The following FAT4 variants were observed in gnomAD, a reference collection of about 807,000 sequenced individuals.
FAT4 encodes the protein protocadherin Fat 4.
In FAT4, 84 loss-of-function variants were observed where a neutral mutation model predicts 303.9. The ratio of observed to expected loss-of-function variants is 0.28; its 90% CI spans 0.23 to 0.33. The LOEUF (loss-of-function observed/expected upper bound fraction) is 0.33. Among genes scored for constraint, FAT4 ranks in the 10% least tolerant of loss-of-function variants. FAT4 has a pLI of 1.00. For synonymous variants in FAT4, 2,307 were observed against 2,298.8 expected (o/e 1.00, Z -0.10); for missense variants, 6,005 against 6,146.8 (o/e 0.98, Z 0.77).
chr4:125,426,790 C>T (rs1321459194), intron 7 of FAT4, among the ~76,000 whole-genome samples: 1 of 151,646 alleles, frequency 6.6e-6, no homozygotes, highest in African/African-American at 2.4e-5. Context: ...TCTGAGTATA[C>T]AAAGTAAATT....
intron 12 of FAT4, among the ~76,000 whole-genome samples, chr4:125,474,049 A>G (rs929403445): frequency 3.9e-5 from 6 of 152,060 alleles, no homozygotes; most frequent in African/African-American, 9.7e-5. Flanking sequence ...TTATGGTGGT[A>G]AAGCTATAAA....
intron 3 of FAT4, among the ~76,000 whole-genome samples, chr4:125,406,287 A>C (rs1174403905): frequency 6.6e-6 from 1 of 152,114 alleles, no homozygotes; most frequent in Non-Finnish European, 1.5e-5. Context: ...TGGCACCCTT[A>C]TGGAATATCA....
At chr4:125,459,362 G>T (rs1229819902) in intron 10 of FAT4, among the ~76,000 whole-genome samples, 1 of 152,016 alleles carries the variant, frequency 6.6e-6, no homozygotes, top group African/African-American at 2.4e-5. Flanking sequence ...TTCAGTTTAT[G>T]TTCAACACGT....
At position 125,491,458 on chromosome 4, in the gene FAT4, A is replaced by G. The variant is rs1482074916; in HGVS notation, c.14642A>G (p.Asp4881Gly). 1 of 1,614,180 alleles carries G rather than the reference A, an allele frequency of 6.2e-7. No homozygotes were observed. Among genetic ancestry groups the G allele is most frequent in the East Asian group, 2.2e-5 (1 of 44,880 alleles). ...KLSQVNESDA[D>G]DEDNYGARLK... ...TCTCAAGTCAATGAATCTGATGCAG[A>G]TGATGAAGATAATTATGGAGCCAGA... Residue 4881 changes from aspartate to glycine, a missense_variant, in exon 18 of 18, where the codon GAT (aspartate) becomes GGT (glycine). By Grantham distance (94) the Asp-to-Gly change is moderately conservative. Transcript: ENST00000394329.
At chr4:125,321,650 A>T (rs1212456964) in intron 2 of FAT4, 64 bp downstream of exon 2, 1 of 1,440,598 alleles carries the variant, frequency 6.9e-7, no homozygotes, top group Non-Finnish European at 9.3e-7. Context: ...TTCTCTTTAT[A>T]TTTACTCTCT....
chr4:125,481,483 G>T, intron 15 of FAT4, 38 bp from the exon 16 acceptor site: 1 of 1,569,210 alleles, frequency 6.4e-7, no homozygotes, highest in South Asian at 1.1e-5. Flanking sequence ...AATGCCAAAT[G>T]AATGCATTCA....
intron 2 of FAT4, among the ~76,000 whole-genome samples, chr4:125,331,982 A>G (rs1731403511): frequency 6.6e-6 from 1 of 152,108 alleles, no homozygotes; most frequent in Non-Finnish European, 1.5e-5. Flanking sequence ...TATTTTCCTC[A>G]TTTGTAAAAT....
intron 2 of FAT4, among the ~76,000 whole-genome samples, chr4:125,376,872 T>C (rs2710579): frequency 0.048 from 7,298 of 151,854 alleles, 562 homozygotes; most frequent in African/African-American, 0.16. Flanking sequence ...GCAACAAGAG[T>C]GAAACTCTAT....
In FAT4 at chr4:125,490,681, A is replaced by G. The variant is rs750340733; in HGVS notation, c.13865A>G (p.Tyr4622Cys). The G allele has an allele frequency of 1.9e-6, 3 of 1,614,140 alleles. No homozygotes were observed. The highest frequency in any genetic ancestry group is 2.5e-6 in the Non-Finnish European group (3 of 1,180,030). Residue 4622 changes from tyrosine (Y) to cysteine (C), a missense_variant, in exon 18 of 18, where the codon TAT (tyrosine) becomes TGT (cysteine). By Grantham distance (194) the Tyr-to-Cys change is radical (BLOSUM62 -2). Transcript: ENST00000394329. ...LASPEQEIEHYDIDNASSIAP... is the reference protein window; with the variant it reads ...LASPEQEIEHCDIDNASSIAP... ...TCTCCAGAGCAGGAGATAGAGCACT[A>G]TGACATTGACAACGCCAGCAGCATC...
intron 10 of FAT4, among the ~76,000 whole-genome samples, chr4:125,456,263 G>A (rs1468169242): frequency 6.6e-6 from 1 of 152,104 alleles, no homozygotes; most frequent in Non-Finnish European, 1.5e-5. Context: ...TGAGCCTACA[G>A]TCTGGTGACT....
chr4:125,372,981 G>A (rs1333359301), intron 2 of FAT4, among the ~76,000 whole-genome samples: 3 of 151,950 alleles, frequency 2.0e-5, no homozygotes, highest in East Asian at 1.9e-4. Context: ...CGACAACTTC[G>A]CTGTTTAAAA....
At chr4:125,390,808 A>C (rs1477638167) in intron 2 of FAT4, among the ~76,000 whole-genome samples, 1 of 152,198 alleles carries the variant, frequency 6.6e-6, no homozygotes, top group Non-Finnish European at 1.5e-5. Context: ...CCTAAGTGGG[A>C]GATATTCTGA....
At position 125,318,646 on chromosome 4, in the gene FAT4, T is replaced by C; in HGVS notation, c.2235T>C (p.Ile745=). The change falls in exon 2 of 18, where the codon ATT becomes ATC. Residue 745 remains isoleucine (I), a synonymous_variant. Transcript: ENST00000394329. ...RFQVNAQSGV[I]STRMALDREE... ...AGGTCAATGCTCAGAGTGGGGTTATTTCTACAAGAATGGCCCTAGACAGAG... is the reference window on the plus strand; with the variant it reads ...AGGTCAATGCTCAGAGTGGGGTTATCTCTACAAGAATGGCCCTAGACAGAG... The C allele has an allele frequency of 6.2e-7, 1 of 1,614,132 alleles. No homozygotes were observed. The highest frequency in any genetic ancestry group is 8.5e-7 in the Non-Finnish European group (1 of 1,180,024).
intron 2 of FAT4, among the ~76,000 whole-genome samples, chr4:125,368,539 T>TAA (rs902586240): frequency 2.0e-5 from 3 of 147,292 alleles, no homozygotes; most frequent in Admixed American, 1.4e-4. Flanking sequence ...TATATATATA[T>TAA]AAAAATCATA....
intron 2 of FAT4, among the ~76,000 whole-genome samples, chr4:125,398,170 T>G (rs758944016): frequency 8.5e-5 from 13 of 152,186 alleles, no homozygotes; most frequent in Non-Finnish European, 1.5e-4. Context: ...TGTTAATATT[T>G]GCAACCTATA....
intron 2 of FAT4, among the ~76,000 whole-genome samples, chr4:125,378,123 A>ATGTCTTAT: frequency 6.6e-6 from 1 of 152,124 alleles, no homozygotes. Context: ...AGATTAACAG[A>ATGTCTTAT]TGTCTTATTG....
rs1377278333 is a variant in FAT4 at position 125,449,119 on chromosome 4, A to G, written c.8109A>G (p.Gly2703=). The part of the protein sequence containing the change: ...SAMDKDSGPN[G]QLDYEIVNGN... ...TGGACAAGGACAGTGGACCCAATGG[A>G]CAGTTAGATTATGAAATTGTTAATG... Residue 2703 remains glycine, a synonymous_variant, in exon 10 of 18, where the codon GGA becomes GGG. Coordinates refer to ENST00000394329, the MANE Select transcript of FAT4 (RefSeq NM_001291303.3). The G allele has an allele frequency of 6.2e-7, 1 of 1,613,968 alleles. No homozygotes were observed. Among genetic ancestry groups the G allele is most frequent in the East Asian group, 2.2e-5 (1 of 44,860 alleles).
At chr4:125,489,226 T>C (rs1320258349) in intron 17 of FAT4, among the ~76,000 whole-genome samples, 2 of 152,242 alleles carry the variant, frequency 1.3e-5, no homozygotes, top group African/African-American at 2.4e-5. Context: ...ATCAGCACTG[T>C]TAACACACTC....
At chr4:125,348,275 A>G (rs560106470) in intron 2 of FAT4, among the ~76,000 whole-genome samples, 1 of 151,998 alleles carries the variant, frequency 6.6e-6, no homozygotes, top group African/African-American at 2.4e-5. Context: ...GTATTCTTTT[A>G]TATATAAAAT....
Sources: allele counts gnomAD v4.1 joint callset (sites outside exome capture counted in the v4.1 genomes callset), GRCh38; gene constraint gnomAD v4.1.1; transcripts MANE v1.5; gene names NCBI Gene and HGNC (gene_info 2026-07-23, HGNC 2026-07-21).